The following PIN4 variants were observed in gnomAD, a reference collection of about 807,000 sequenced individuals.
PIN4 encodes peptidylprolyl cis/trans isomerase, NIMA-interacting 4.
PIN4 carries 3 observed loss-of-function variants against 8.3 expected under a neutral mutation model. That is an observed-to-expected ratio of 0.36 (90% CI 0.16 to 0.93). PIN4 has a LOEUF of 0.93. PIN4 is among the 40% of genes least tolerant of loss of function. The pLI, the probability that PIN4 is intolerant of heterozygous loss-of-function variation, is 0.44. For missense variants in PIN4, 75 were observed against 100.6 expected (o/e 0.75, Z 1.09); for synonymous variants, 18 against 32.5 (o/e 0.55, Z 1.52).
intron 2 of PIN4, among the ~76,000 whole-genome samples, chrX:72,189,078 T>C (rs1004652560): frequency 2.7e-5 from 3 of 111,480 alleles, no homozygotes; most frequent in African/African-American, 9.8e-5. Flanking sequence ...GGTAGGAGGA[T>C]TGTTTGAGCC....
chrX:72,221,497 A>G (rs1238744329), intron 3 of PIN4, among the ~76,000 whole-genome samples: 1 of 110,779 alleles, frequency 9.0e-6, no homozygotes, highest in Admixed American at 9.6e-5. Flanking sequence ...GCTTCTTCTC[A>G]CCAGTCCACA....
intron 2 of PIN4, among the ~76,000 whole-genome samples, chrX:72,190,149 C>T (rs890111573): frequency 1.8e-5 from 2 of 111,336 alleles, no homozygotes; most frequent in African/African-American, 6.6e-5. Flanking sequence ...TGTTTGTTTT[C>T]CTATCCCCTG....
intron 3 of PIN4, among the ~76,000 whole-genome samples, chrX:72,249,177 A>G (rs2043078161): frequency 8.9e-6 from 1 of 112,552 alleles, no homozygotes; most frequent in Admixed American, 9.4e-5. Context: ...ATGAGACAGG[A>G]TATATGAATG....
Position 72,206,035 on chromosome X carries a change from T to C in PIN4, c.312+9131T>C, listed in dbSNP as rs1356401293. The C allele has an allele frequency of 8.3e-7, 1 of 1,210,313 alleles. No individual in the cohort carries two copies. The highest frequency in any genetic ancestry group is 1.1e-6 in the Non-Finnish European group (1 of 895,185). On this transcript the variant is annotated intron_variant, in intron 3 of 3. Transcript: ENST00000423432. Reference sequence around the variant, plus strand: ...ATCAGCTATTTCAATAATGGATACATTTGATTCTGCATTTTGACTTTCATT... The same window carrying C: ...ATCAGCTATTTCAATAATGGATACACTTGATTCTGCATTTTGACTTTCATT...
At chrX:72,205,361 C>T in intron 3 of PIN4, 4 of 1,211,941 alleles carry the variant, frequency 3.3e-6, no homozygotes, top group Non-Finnish European at 4.5e-6. Context: ...GAGGCTTCGC[C>T]ACTGCTTTCC....
At chrX:72,228,680 G>A (rs761900283) in intron 3 of PIN4, among the ~76,000 whole-genome samples, 1 of 110,996 alleles carries the variant, frequency 9.0e-6, no homozygotes, top group East Asian at 2.8e-4. Flanking sequence ...CTGTTCTATG[G>A]GACCTATGGC....
intron 3 of PIN4, among the ~76,000 whole-genome samples, chrX:72,203,793 T>C (rs1210580853): frequency 4.5e-5 from 5 of 111,866 alleles, no homozygotes; most frequent in Admixed American, 9.5e-5. Flanking sequence ...ATGGTAAGGC[T>C]GAAATGAGAA....
chrX:72,202,754 T>C (rs979117076), downstream of PIN4, among the ~76,000 whole-genome samples: 8 of 112,083 alleles, frequency 7.1e-5, no homozygotes, highest in Non-Finnish European at 1.5e-4. Flanking sequence ...TAACCTGAAA[T>C]TCAGCTTCTT....
intron 3 of PIN4, among the ~76,000 whole-genome samples, chrX:72,214,810 A>C (rs2042878645): frequency 9.0e-6 from 1 of 111,638 alleles, no homozygotes; most frequent in Non-Finnish European, 1.9e-5. Flanking sequence ...ATCATGGTGG[A>C]ACACCATCTC....
chrX:72,214,672 C>CA (rs58451189), intron 3 of PIN4, among the ~76,000 whole-genome samples: 6,399 of 41,694 alleles, frequency 0.15, 576 homozygotes, highest in East Asian at 0.52. Context: ...GACTCCATCT[C>CA]AAAAAAAAAA....
At chrX:72,204,176 A>C (rs2042803115) in intron 3 of PIN4, among the ~76,000 whole-genome samples, 1 of 112,679 alleles carries the variant, frequency 8.9e-6, no homozygotes, top group African/African-American at 3.2e-5. Flanking sequence ...TTCCATACAC[A>C]TAATGAGATA....
intron 2 of PIN4, among the ~76,000 whole-genome samples, chrX:72,190,667 T>A (rs929166186): frequency 5.4e-5 from 6 of 110,877 alleles, no homozygotes; most frequent in Non-Finnish European, 1.1e-4. Flanking sequence ...GAAAGAAAAA[T>A]TCAGCCGGGC....
chrX:72,193,580 C>T (rs748796214), intron 2 of PIN4, among the ~76,000 whole-genome samples: 1 of 110,966 alleles, frequency 9.0e-6, no homozygotes, highest in South Asian at 3.8e-4. Flanking sequence ...TAGAAAAAAG[C>T]TTATAGTGGC....
At chrX:72,263,268 A>G (rs2043146524) in exon 4 of PIN4, 1 of 113,141 alleles carries the variant, frequency 8.8e-6, no homozygotes, top group Admixed American at 9.3e-5. Context: ...GACCTGAAGG[A>G]TGGATGACAG....
intron 3 of PIN4, among the ~76,000 whole-genome samples, chrX:72,252,218 G>A (rs772659933): frequency 3.9e-4 from 43 of 109,415 alleles, no homozygotes; most frequent in Non-Finnish European, 7.2e-4. Flanking sequence ...GCACAATCAC[G>A]GTTCACTGTA....
At chrX:72,184,449 C>T (rs2042688612) in intron 1 of PIN4, among the ~76,000 whole-genome samples, 3 of 80,017 alleles carry the variant, frequency 3.7e-5, no homozygotes, top group South Asian at 1.4e-3. Flanking sequence ...GAGAGCATGA[C>T]ATTCGGGAAA....
At chrX:72,234,161 A>C (rs1280132483) in intron 3 of PIN4, among the ~76,000 whole-genome samples, 1 of 112,118 alleles carries the variant, frequency 8.9e-6, no homozygotes, top group East Asian at 2.8e-4. Flanking sequence ...TAAGTATTTC[A>C]GCGTGAAATG....
chrX:72,188,238 T>C (rs746686495), intron 2 of PIN4, among the ~76,000 whole-genome samples: 1 of 112,910 alleles, frequency 8.9e-6, no homozygotes, highest in Non-Finnish European at 1.9e-5. Context: ...GTCTCCCATA[T>C]GACATCTTCA....
At chrX:72,207,975 T>G in intron 3 of PIN4, 1 of 1,211,375 alleles carries the variant, frequency 8.3e-7, no homozygotes, top group Non-Finnish European at 1.1e-6. Context: ...ATAGTTCTTG[T>G]AAATTATTCT....
Sources: gnomAD v4.1 joint callset for allele counts (sites outside exome capture counted in the v4.1 genomes callset) on GRCh38, gnomAD v4.1.1 for gene constraint, MANE v1.5 for transcripts, NCBI Gene and HGNC (gene_info 2026-07-23, HGNC 2026-07-21) for gene names.